ZNF678: variants seen among roughly 807,000 people sequenced by gnomAD.
ZNF678 encodes the protein zinc finger protein 678, also known as hypothetical protein MGC42493.
Under a neutral mutation model 3.0 loss-of-function variants are expected in ZNF678, and 5 were observed. The ratio of observed to expected loss-of-function variants is 1.69; its 90% confidence interval spans 0.88 to 3.56. The LOEUF is 3.56. Among genes scored for constraint, ZNF678 ranks in the 30% most tolerant of loss-of-function variants. The pLI is 0.00. For missense variants in ZNF678, 593 were observed against 605.0 expected (o/e 0.98, Z 0.21); for synonymous variants, 218 against 199.6 (o/e 1.09, Z -0.78).
At chr1:227,637,484 T>G (rs1658708393) in intron 1 of ZNF678, among the ~76,000 whole-genome samples, 1 of 152,152 alleles carries the variant, frequency 6.6e-6, no homozygotes. Context: ...CTGAGAACTG[T>G]GGCTTCAAGC....
chr1:227,575,196 T>G (rs561525662), intron 1 of ZNF678, among the ~76,000 whole-genome samples: 34 of 152,342 alleles, frequency 2.2e-4, no homozygotes, highest in Admixed American at 1.4e-3. Context: ...AGCTTTGTTC[T>G]TTTTGCAAGG....
intron 1 of ZNF678, among the ~76,000 whole-genome samples, chr1:227,577,539 C>T (rs1029634492): frequency 1.3e-5 from 2 of 152,202 alleles, no homozygotes; most frequent in Middle Eastern, 3.4e-3. Context: ...TCTGTTTTGT[C>T]AGGAACTAGG....
At chr1:227,666,651 A>T (rs530772424), downstream of ZNF678, among the ~76,000 whole-genome samples, 1 of 151,386 alleles carries the variant, frequency 6.6e-6, no homozygotes, top group Admixed American at 6.6e-5. Context: ...GACAGGGGAT[A>T]TCCTGCTCAT....
At chr1:227,593,186 G>T (rs1157730860) in intron 1 of ZNF678, among the ~76,000 whole-genome samples, 1 of 152,208 alleles carries the variant, frequency 6.6e-6, no homozygotes. Context: ...TCTACTGGAG[G>T]ACCACATTAG....
intron 1 of ZNF678, among the ~76,000 whole-genome samples, chr1:227,573,051 G>A (rs1224388409): frequency 2.0e-5 from 3 of 152,246 alleles, no homozygotes; most frequent in Non-Finnish European, 4.4e-5. Flanking sequence ...TGGGAACAGT[G>A]TGCATTCTGC....
chr1:227,676,391 A>T lies in ZNF678; in HGVS notation c.227-788A>T, dbSNP rs1376242055. ...AGAAACATACAGGGAAACAAGAGCC[A>T]TGAATGGGAAACAGGAGAAACCACA... On this transcript the variant is annotated intron_variant, in intron 5 of 5. Coordinates refer to the ZNF678 transcript ENST00000608949. Among the ~76,000 whole-genome samples, 4 of 152,244 alleles carry T rather than the reference A, an allele frequency of 2.6e-5. No homozygotes were observed. In the East Asian group the frequency reaches 7.7e-4, roughly 29 times the overall value.
chr1:227,665,823 C>T (rs1659495718), downstream of ZNF678, among the ~76,000 whole-genome samples: 1 of 152,064 alleles, frequency 6.6e-6, no homozygotes, highest in South Asian at 2.1e-4. Context: ...ATTATTTAAT[C>T]CAGGGTCCCG....
chr1:227,635,839 G>T, intron 1 of ZNF678, among the ~76,000 whole-genome samples: 1 of 152,030 alleles, frequency 6.6e-6, no homozygotes, highest in South Asian at 2.1e-4. Context: ...GGCCTGAGAA[G>T]GGAGGAGTTA....
intron 1 of ZNF678, among the ~76,000 whole-genome samples, chr1:227,573,367 C>T (rs567476994): frequency 1.3e-5 from 2 of 152,224 alleles, no homozygotes; most frequent in African/African-American, 2.4e-5. Context: ...GGGAAGAGTG[C>T]GGCAGCACTT....
At chr1:227,614,296 T>C (rs1476295076) in intron 1 of ZNF678, among the ~76,000 whole-genome samples, 1 of 152,236 alleles carries the variant, frequency 6.6e-6, no homozygotes, top group Non-Finnish European at 1.5e-5. Flanking sequence ...TTGCCAGAAT[T>C]CTGACAATTA....
intron 1 of ZNF678, among the ~76,000 whole-genome samples, chr1:227,568,944 C>T (rs73090986): frequency 0.017 from 2,540 of 152,252 alleles, 59 homozygotes; most frequent in South Asian, 0.057. Flanking sequence ...CCTTTCTTAG[C>T]GAAGGGAGGC....
intron 1 of ZNF678, among the ~76,000 whole-genome samples, chr1:227,579,429 G>T (rs896946670): frequency 6.6e-6 from 1 of 152,088 alleles, no homozygotes; most frequent in Non-Finnish European, 1.5e-5. Flanking sequence ...GCTAGTGTGG[G>T]TAGGGCTTGC....
chr1:227,667,700 A>T (rs1659527072), intron 5 of ZNF678, among the ~76,000 whole-genome samples: 1 of 152,268 alleles, frequency 6.6e-6, no homozygotes, highest in Non-Finnish European at 1.5e-5. Flanking sequence ...AATAACTTGC[A>T]GCAGAAAATA....
chr1:227,661,233 A>G lies in ZNF678; in HGVS notation c.*5405A>G, dbSNP rs1309408845. The stretch of plus-strand genomic sequence containing the variant: ...GTTGACTAAATAAATCTCAACCAGA[A>G]CCTTCTCAGATATTTTGTTGAACGT... On this transcript the variant is annotated 3_prime_UTR_variant, in exon 4 of 4. Coordinates refer to ENST00000343776, the MANE Select transcript of ZNF678 (RefSeq NM_001367909.1). 6.6e-6 allele frequency: 1 copy of G among 151,670 alleles called. No individual in the cohort carries two copies. Among genetic ancestry groups the G allele is most frequent in the Non-Finnish European group, 1.5e-5 (1 of 67,934 alleles). 9.4% of individuals were successfully genotyped at this position (151,670 alleles called of 1,614,324 possible). A position where few individuals can be genotyped will look rare whatever the true frequency, so the allele number is the denominator to read the frequency against.
chr1:227,617,469 G>A (rs1571889667), intron 1 of ZNF678, among the ~76,000 whole-genome samples: 1 of 152,168 alleles, frequency 6.6e-6, no homozygotes, highest in Non-Finnish European at 1.5e-5. Context: ...GATAGGGCCT[G>A]GTTTAACAAA....
At chr1:227,617,218 G>C (rs1173859147) in intron 1 of ZNF678, among the ~76,000 whole-genome samples, 1 of 152,236 alleles carries the variant, frequency 6.6e-6, no homozygotes, top group African/African-American at 2.4e-5. Flanking sequence ...ACCTGACCAT[G>C]ATGACCTGGT....
At chr1:227,634,850 C>G (rs1430358270) in intron 1 of ZNF678, among the ~76,000 whole-genome samples, 1 of 152,140 alleles carries the variant, frequency 6.6e-6, no homozygotes, top group Non-Finnish European at 1.5e-5. Context: ...ATTTTAGAAC[C>G]CCAGGGCTTT....
In ZNF678 at chr1:227,608,448, A is replaced by C. The variant is rs1458550346; in HGVS notation, c.-163-38096A>C. 2.0e-5 allele frequency among the ~76,000 whole-genome samples: 3 copies of C among 152,164 alleles called. No homozygotes were observed. In the East Asian group the frequency reaches 5.8e-4, roughly 29 times the overall value. Reference sequence around the variant, plus strand: ...ATTCAACACATAAAATTATTTTTTGAATATTGAAAATTATTTGGCAAATGA... The same window carrying C: ...ATTCAACACATAAAATTATTTTTTGCATATTGAAAATTATTTGGCAAATGA... On this transcript the variant is annotated intron_variant, in intron 1 of 3. Coordinates refer to ENST00000343776, the MANE Select transcript of ZNF678 (RefSeq NM_001367909.1).
chr1:227,590,999 C>T (rs986902800), intron 1 of ZNF678, among the ~76,000 whole-genome samples: 4 of 151,676 alleles, frequency 2.6e-5, no homozygotes, highest in African/African-American at 9.7e-5. Flanking sequence ...AATTCTCGGG[C>T]TTCCTATGGC....
Sources: allele counts gnomAD v4.1 joint callset (sites outside exome capture counted in the v4.1 genomes callset), GRCh38; gene constraint gnomAD v4.1.1; transcripts MANE v1.5; gene names NCBI Gene and HGNC (gene_info 2026-07-23, HGNC 2026-07-21).